SGCZ: variants seen among roughly 807,000 people sequenced by gnomAD.
SGCZ encodes the protein sarcoglycan zeta, also known as zeta-sarcoglycan.
SGCZ carries 40 observed loss-of-function variants against 41.3 expected under a neutral mutation model. That is an observed-to-expected ratio of 0.97 (90% CI 0.75 to 1.26). The LOEUF is 1.26. Ranked by LOEUF, SGCZ falls within the 50% of genes most tolerant of loss-of-function variation. The pLI is 0.00. For synonymous variants in SGCZ, 206 were observed against 137.5 expected (o/e 1.50, Z -3.49); for missense variants, 552 against 369.8 (o/e 1.49, Z -4.04).
intron 1 of SGCZ, among the ~76,000 whole-genome samples, chr8:14,629,225 G>A (rs955990947): frequency 6.6e-6 from 1 of 152,058 alleles, no homozygotes; most frequent in Non-Finnish European, 1.5e-5. Context: ...CTTCACTGTA[G>A]AATGGAGTTA....
chr8:14,890,112 G>A (rs1201436647), intron 1 of SGCZ, among the ~76,000 whole-genome samples: 2 of 152,016 alleles, frequency 1.3e-5, no homozygotes, highest in African/African-American at 4.8e-5. Context: ...AGCTACTCGG[G>A]AGGCTGAGGC....
chr8:14,841,842 A>G (rs994442452), intron 1 of SGCZ, among the ~76,000 whole-genome samples: 2 of 152,172 alleles, frequency 1.3e-5, no homozygotes, highest in Non-Finnish European at 1.5e-5. Context: ...ATTTTTCCCT[A>G]TCACATCAAA....
chr8:15,029,517 C>T (rs575487958), intron 1 of SGCZ, among the ~76,000 whole-genome samples: 186 of 152,092 alleles, frequency 1.2e-3, no homozygotes, highest in Non-Finnish European at 2.0e-3. Context: ...AATTTTGAAA[C>T]GATTTCCCAG....
At chr8:15,052,263 G>C (rs770764759) in intron 1 of SGCZ, among the ~76,000 whole-genome samples, 1 of 152,180 alleles carries the variant, frequency 6.6e-6, no homozygotes, top group Non-Finnish European at 1.5e-5. Flanking sequence ...CCAGCTGTGA[G>C]GGCTTCATGG....
intron 2 of SGCZ, among the ~76,000 whole-genome samples, chr8:14,336,124 T>C (rs1563264614): frequency 6.6e-6 from 1 of 152,106 alleles, no homozygotes; most frequent in East Asian, 1.9e-4. Flanking sequence ...TGTCCATGTG[T>C]TCCCATCATT....
At chr8:14,803,205 C>T (rs1021994765) in intron 1 of SGCZ, among the ~76,000 whole-genome samples, 5 of 152,048 alleles carry the variant, frequency 3.3e-5, no homozygotes, top group African/African-American at 9.7e-5. Context: ...CTTTAAAAGA[C>T]CAAACTGTCC....
At position 15,094,577 on chromosome 8, in the gene SGCZ, A is replaced by G. The variant is rs528544510; in HGVS notation, c.39+143008T>C. ...TAAAGTCCTGAGTTAAAGGGAGACAAGGGTATCCCACACACAGGGAGAAGG... is the reference window on the plus strand; with the variant it reads ...TAAAGTCCTGAGTTAAAGGGAGACAGGGGTATCCCACACACAGGGAGAAGG... On this transcript the variant is annotated intron_variant, in intron 1 of 7. Transcript: ENST00000382080. Among the ~76,000 whole-genome samples, 53 of 152,338 alleles carry G rather than the reference A, an allele frequency of 3.5e-4. No individual in the cohort carries two copies. The Middle Eastern group carries it at 0.01, about 29-fold the overall frequency.
At chr8:14,291,010 T>C (rs1052135249) in intron 3 of SGCZ, among the ~76,000 whole-genome samples, 1 of 152,058 alleles carries the variant, frequency 6.6e-6, no homozygotes, top group Non-Finnish European at 1.5e-5. Flanking sequence ...TATTCAGCTA[T>C]AAAAAATGAA....
chr8:14,542,775 T>C (rs1279286216), intron 2 of SGCZ, among the ~76,000 whole-genome samples: 6 of 152,024 alleles, frequency 3.9e-5, no homozygotes, highest in African/African-American at 1.4e-4. Flanking sequence ...TTATCATGGA[T>C]TTTTTATTGG....
chr8:15,112,654 T>C (rs1179881367), intron 1 of SGCZ, among the ~76,000 whole-genome samples: 1 of 152,218 alleles, frequency 6.6e-6, no homozygotes, highest in Non-Finnish European at 1.5e-5. Context: ...ACAGCCACCA[T>C]GCCGTGAGGA....
intron 1 of SGCZ, among the ~76,000 whole-genome samples, chr8:14,895,000 A>C (rs1805141315): frequency 6.6e-6 from 1 of 152,126 alleles, no homozygotes; most frequent in African/African-American, 2.4e-5. Flanking sequence ...CATAATGCTA[A>C]AGTTTGGGGG....
At chr8:14,453,721 G>C (rs73188264) in intron 2 of SGCZ, among the ~76,000 whole-genome samples, 1,926 of 152,284 alleles carry the variant, frequency 0.013, 25 homozygotes, top group East Asian at 0.075. Flanking sequence ...GCAAAAGCGA[G>C]AATGTTCTCA....
chr8:14,776,612 G>T (rs1477395643), intron 1 of SGCZ, among the ~76,000 whole-genome samples: 1 of 141,950 alleles, frequency 7.0e-6, no homozygotes, highest in Non-Finnish European at 1.5e-5. Context: ...TCCTGTCTCA[G>T]CCTCCCGAGT....
intron 1 of SGCZ, among the ~76,000 whole-genome samples, chr8:15,165,687 G>A (rs1005968834): frequency 6.6e-6 from 1 of 152,172 alleles, no homozygotes; most frequent in Non-Finnish European, 1.5e-5. Context: ...ACAGTAAAAT[G>A]TGTTTTTTAA....
intron 3 of SGCZ, among the ~76,000 whole-genome samples, chr8:14,296,901 A>G (rs2116960407): frequency 6.6e-6 from 1 of 152,304 alleles, no homozygotes; most frequent in South Asian, 2.1e-4. Context: ...AAGGGAAAAT[A>G]CAAAATATTT....
chr8:14,631,528 C>A (rs1806653972), intron 1 of SGCZ, among the ~76,000 whole-genome samples: 1 of 152,086 alleles, frequency 6.6e-6, no homozygotes, highest in South Asian at 2.1e-4. Flanking sequence ...ACATTTACTA[C>A]ACCCATGAAT....
intron 1 of SGCZ, among the ~76,000 whole-genome samples, chr8:14,925,834 T>A (rs919694380): frequency 6.6e-6 from 1 of 151,438 alleles, no homozygotes; most frequent in Admixed American, 6.6e-5. Flanking sequence ...GAAACTAAGG[T>A]CTGATAAGAA....
chr8:15,183,749 G>A (rs914463153), intron 1 of SGCZ, among the ~76,000 whole-genome samples: 1 of 152,246 alleles, frequency 6.6e-6, no homozygotes, highest in African/African-American at 2.4e-5. Context: ...ATAATTGCTA[G>A]AGATTTTGAT....
intron 1 of SGCZ, among the ~76,000 whole-genome samples, chr8:14,912,050 T>C (rs569260880): frequency 9.1e-4 from 136 of 148,804 alleles, no homozygotes; most frequent in Non-Finnish European, 1.5e-3. Flanking sequence ...CTATGTAAGC[T>C]ATTTGCATCT....
Sources: allele counts gnomAD v4.1 joint callset (sites outside exome capture counted in the v4.1 genomes callset), GRCh38; gene constraint gnomAD v4.1.1; transcripts MANE v1.5; gene names NCBI Gene and HGNC (gene_info 2026-07-23, HGNC 2026-07-21).